The following CDK19 variants were observed in gnomAD, a reference collection of about 807,000 sequenced individuals.
CDK19 encodes cyclin-dependent kinase 19.
In CDK19, 20 loss-of-function variants were observed where a neutral mutation model predicts 68.3. The observed-to-expected ratio is 0.29, with a 90% CI of 0.21 to 0.43. The LOEUF (loss-of-function observed/expected upper bound fraction) is 0.43, where lower values mean the gene tolerates loss of function less well. Ranked by LOEUF, CDK19 falls within the 20% of genes least tolerant of loss-of-function variation. CDK19 has a pLI of 1.00. For synonymous variants in CDK19, 221 were observed against 222.8 expected, an observed-to-expected ratio of 0.99 and a Z score of 0.07; for missense variants, 339 against 623.5, an observed-to-expected ratio of 0.54 and a Z score of 4.86.
chr6:110,764,952 A>AAAATGAATAAATAAATAAAT (rs1779470589), intron 1 of CDK19, among the ~76,000 whole-genome samples: 1 of 141,048 alleles, frequency 7.1e-6, no homozygotes, highest in Non-Finnish European at 1.5e-5. Flanking sequence ...CTCCATCTCA[A>AAAATGAATAAATAAATAAAT]AAATAAATAA....
intron 2 of CDK19, among the ~76,000 whole-genome samples, chr6:110,734,922 G>A (rs1346451343): frequency 2.0e-5 from 3 of 151,992 alleles, no homozygotes; most frequent in Non-Finnish European, 4.4e-5. Context: ...AATAGTAATT[G>A]GTACAATAGT....
At chr6:110,755,244 T>C (rs561818107) in intron 1 of CDK19, among the ~76,000 whole-genome samples, 1 of 152,210 alleles carries the variant, frequency 6.6e-6, no homozygotes, top group East Asian at 1.9e-4. Context: ...TTTCGCTATG[T>C]TGGCCAGGCT....
intron 3 of CDK19, among the ~76,000 whole-genome samples, chr6:110,668,306 T>C (rs933122097): frequency 6.6e-6 from 1 of 152,152 alleles, no homozygotes; most frequent in Non-Finnish European, 1.5e-5. Context: ...CAAAATCCTA[T>C]GCAAACAATA....
chr6:110,722,621 G>C (rs750618801), intron 2 of CDK19, among the ~76,000 whole-genome samples: 3 of 151,342 alleles, frequency 2.0e-5, no homozygotes, highest in Non-Finnish European at 4.4e-5. Context: ...AAAAAATACT[G>C]TCAAATTTCA....
At chr6:110,649,120 T>C (rs1780810442) in intron 4 of CDK19, among the ~76,000 whole-genome samples, 1 of 152,162 alleles carries the variant, frequency 6.6e-6, no homozygotes, top group Non-Finnish European at 1.5e-5. Context: ...CCCATACTTA[T>C]TTGTAAATTC....
intron 2 of CDK19, among the ~76,000 whole-genome samples, chr6:110,744,540 A>T (rs961241307): frequency 6.6e-6 from 1 of 152,150 alleles, no homozygotes; most frequent in Non-Finnish European, 1.5e-5. Context: ...TCTAAAAAAA[A>T]ATTTAAAAAT....
intron 4 of CDK19, among the ~76,000 whole-genome samples, chr6:110,650,595 A>C (rs1780899544): frequency 6.6e-6 from 1 of 152,152 alleles, no homozygotes; most frequent in Non-Finnish European, 1.5e-5. Context: ...CATTATTTTA[A>C]ATTCTTCGGA....
intron 2 of CDK19, among the ~76,000 whole-genome samples, chr6:110,709,024 C>A (rs1188019262): frequency 6.6e-6 from 1 of 152,152 alleles, no homozygotes; most frequent in Non-Finnish European, 1.5e-5. Context: ...GCTGGTTCAA[C>A]ATACGCAAAT....
In CDK19 at chr6:110,647,936, G is replaced by A. The variant is rs777433461; in HGVS notation, c.457-9230C>T. Reference sequence around the variant, plus strand: ...GATGGCTTAACATGAGAAAATCTATGGAAGTTTATCACCATATGAACAGAT... The same window carrying A: ...GATGGCTTAACATGAGAAAATCTATAGAAGTTTATCACCATATGAACAGAT... On this transcript the variant is annotated intron_variant, in intron 4 of 12. Transcript: ENST00000368911. 4.1e-4 allele frequency among the ~76,000 whole-genome samples: 63 copies of A among 151,942 alleles called. 1 individual carries two copies. The highest frequency in any genetic ancestry group is 1.2e-4 in the Non-Finnish European group (8 of 67,972).
intron 1 of CDK19, among the ~76,000 whole-genome samples, chr6:110,792,089 C>T (rs1781635863): frequency 6.6e-6 from 1 of 150,846 alleles, no homozygotes; most frequent in African/African-American, 2.4e-5. Flanking sequence ...TCCTGACTCA[C>T]CCTCCCAAGT....
At chr6:110,724,622 A>G (rs1367004382) in intron 2 of CDK19, among the ~76,000 whole-genome samples, 1 of 152,208 alleles carries the variant, frequency 6.6e-6, no homozygotes, top group Non-Finnish European at 1.5e-5. Context: ...TAGGCACAAC[A>G]AGATAATAAA....
At chr6:110,617,881 A>C (rs1778441774) in intron 12 of CDK19, among the ~76,000 whole-genome samples, 1 of 147,324 alleles carries the variant, frequency 6.8e-6, no homozygotes, top group African/African-American at 2.5e-5. Context: ...AAAAAAAAAA[A>C]AAAAGACTAC....
intron 2 of CDK19, among the ~76,000 whole-genome samples, chr6:110,727,182 A>C (rs1776373216): frequency 6.6e-6 from 1 of 152,172 alleles, no homozygotes; most frequent in South Asian, 2.1e-4. Context: ...CATACAAAAG[A>C]TTCTTGGTTG....
intron 2 of CDK19, among the ~76,000 whole-genome samples, chr6:110,702,329 G>T (rs2114643737): frequency 6.6e-6 from 1 of 152,138 alleles, no homozygotes; most frequent in African/African-American, 2.4e-5. Context: ...CATACCTGTA[G>T]TCTTAGCTAC....
rs114106697 is a variant in CDK19 at position 110,737,511 on chromosome 6, C to T, written c.204+8615G>A. Among the ~76,000 whole-genome samples the T allele has an allele frequency of 2.5e-3, 374 of 152,258 alleles. 2 individuals carry two copies. Among genetic ancestry groups the T allele is most frequent in the African/African-American group, 8.5e-3 (354 of 41,562 alleles). On this transcript the variant is annotated intron_variant, in intron 2 of 12. Coordinates refer to ENST00000368911, the MANE Select transcript of CDK19 (RefSeq NM_015076.5). ...ACACACACACATCTTCCAAGAGTCT[C>T]ATGACTTAACAGGCATAGTAGAGCA...
At chr6:110,741,282 C>A (rs1489519208) in intron 2 of CDK19, among the ~76,000 whole-genome samples, 1 of 150,872 alleles carries the variant, frequency 6.6e-6, no homozygotes, top group Non-Finnish European at 1.5e-5. Context: ...ATAGTGAGAC[C>A]TCATCTTTAC....
chr6:110,635,133 T>C (rs989469426), intron 5 of CDK19, among the ~76,000 whole-genome samples: 3 of 152,164 alleles, frequency 2.0e-5, no homozygotes, highest in Non-Finnish European at 2.9e-5. Context: ...TGCTAATTAG[T>C]ATCAAATGAA....
At chr6:110,799,541 A>G (rs189802002) in intron 1 of CDK19, among the ~76,000 whole-genome samples, 7 of 152,262 alleles carry the variant, frequency 4.6e-5, no homozygotes, top group African/African-American at 1.7e-4. Flanking sequence ...CAATGTAAAT[A>G]CTTTATAAAT....
At position 110,614,451 on chromosome 6, in the gene CDK19, T is replaced by A. The variant is rs1311222322; in HGVS notation, c.*84A>T. On this transcript the variant is annotated 3_prime_UTR_variant, in exon 13 of 13. Transcript: ENST00000368911. Reference sequence around the variant, plus strand: ...ATGAGTTTTAAATGGCATCATAGTTTGCATTTTTTTGGTTCTTTTCAATGC... The same window carrying A: ...ATGAGTTTTAAATGGCATCATAGTTAGCATTTTTTTGGTTCTTTTCAATGC... 10 of 1,343,708 alleles carry A rather than the reference T, an allele frequency of 7.4e-6. No homozygotes were observed. In the Admixed American group the frequency reaches 2.0e-4, roughly 27 times the overall value. 83.2% of individuals were successfully genotyped at this position (1,343,708 alleles called of 1,614,324 possible).
Sources: allele counts gnomAD v4.1 joint callset (sites outside exome capture counted in the v4.1 genomes callset), GRCh38; gene constraint gnomAD v4.1.1; transcripts MANE v1.5; gene names NCBI Gene and HGNC (gene_info 2026-07-23, HGNC 2026-07-21).